Variants in RPRD2 observed in about 807,000 individuals in gnomAD.
The protein encoded by RPRD2 is regulation of nuclear pre-mRNA domain containing 2.
RPRD2 carries 12 observed loss-of-function variants against 104.4 expected under a neutral mutation model. The ratio of observed to expected loss-of-function variants is 0.11; its 90% confidence interval spans 0.07 to 0.19. The LOEUF (loss-of-function observed/expected upper bound fraction) is 0.19. Among genes scored for constraint, RPRD2 ranks in the 10% least tolerant of loss-of-function variants. RPRD2 has a pLI of 1.00. For synonymous variants in RPRD2, 714 were observed against 684.9 expected, an observed-to-expected ratio of 1.04 and a Z score of -0.66; for missense variants, 1,543 against 1,790.1, an observed-to-expected ratio of 0.86 and a Z score of 2.49.
chr1:150,373,456 A>G (rs1439404975), intron 1 of RPRD2, among the ~76,000 whole-genome samples: 3 of 151,142 alleles, frequency 2.0e-5, no homozygotes, highest in African/African-American at 7.3e-5. Context: ...TTCTAGATCT[A>G]TTTTGAAAGT....
At position 150,471,931 on chromosome 1, in the gene RPRD2, A is replaced by G. The variant is rs1668615326; in HGVS notation, c.2983A>G (p.Lys995Glu). 1.9e-6 allele frequency: 3 copies of G among 1,613,724 alleles called. No homozygotes were observed. The highest frequency in any genetic ancestry group is 1.7e-5 in the Admixed American group (1 of 59,992). Residue 995 changes from lysine to glutamate, a missense_variant, in exon 11 of 11, where the codon AAA becomes GAA. Lys to Glu is a moderately conservative substitution (Grantham distance 56, BLOSUM62 1). This residue lies in a region of RPRD2 where 880 missense variants were observed against 885.6 expected (regional missense o/e 0.99). Coordinates refer to ENST00000369068, the MANE Select transcript of RPRD2 (RefSeq NM_015203.5). This position sits in a 1 kb window ranked among gnomAD's most constrained non-coding sequence, Gnocchi z 5.3. Reference protein sequence around the residue: ...TGHPPTSGVEKVLASTISTTS... With the variant: ...TGHPPTSGVEEVLASTISTTS... ...TCACCCACCCACGTCAGGCGTGGAG[A>G]AAGTCCTGGCCTCCACCATTTCCAC...
chr1:150,435,940 C>G (rs1349906359), intron 2 of RPRD2, among the ~76,000 whole-genome samples: 1 of 152,176 alleles, frequency 6.6e-6, no homozygotes, highest in East Asian at 1.9e-4. Context: ...ATACAGCTGT[C>G]TGGCAACTTT....
At chr1:150,438,115 C>A in intron 2 of RPRD2, among the ~76,000 whole-genome samples, 1 of 150,274 alleles carries the variant, frequency 6.7e-6, no homozygotes, top group Admixed American at 6.7e-5. Flanking sequence ...AACCCCATCT[C>A]AACTAAAAAA....
At chr1:150,445,237 A>G (rs1480880833) in intron 6 of RPRD2, among the ~76,000 whole-genome samples, 4 of 152,178 alleles carry the variant, frequency 2.6e-5, no homozygotes, top group African/African-American at 9.7e-5. Flanking sequence ...CAATCCTCAT[A>G]ACAGAAAACA....
chr1:150,452,553 C>T (rs1325600324), intron 7 of RPRD2, among the ~76,000 whole-genome samples: 1 of 151,728 alleles, frequency 6.6e-6, no homozygotes, highest in East Asian at 1.9e-4. Context: ...GACTTGAATC[C>T]TATTTACTCA....
chr1:150,457,213 G>C, intron 7 of RPRD2, 75 bp from the exon 8 acceptor site: 1 of 1,425,960 alleles, frequency 7.0e-7, no homozygotes, highest in Non-Finnish European at 9.5e-7. Context: ...GACAAAGTGA[G>C]ACTCTGCCTC....
At chr1:150,390,572 T>C (rs1442153457) in intron 1 of RPRD2, among the ~76,000 whole-genome samples, 1 of 151,964 alleles carries the variant, frequency 6.6e-6, no homozygotes, top group Non-Finnish European at 1.5e-5. Flanking sequence ...CTAAAATATA[T>C]CAAGGAACAA....
chr1:150,409,792 A>C (rs1553887321), intron 1 of RPRD2, among the ~76,000 whole-genome samples: 4 of 151,706 alleles, frequency 2.6e-5, no homozygotes, highest in Non-Finnish European at 5.9e-5. Flanking sequence ...TTACAGACGC[A>C]TGCCACCACA....
At chr1:150,411,351 C>A (rs1553887571) in intron 1 of RPRD2, among the ~76,000 whole-genome samples, 1 of 148,276 alleles carries the variant, frequency 6.7e-6, no homozygotes, top group African/African-American at 2.5e-5. Context: ...GTCCCAGTTA[C>A]TCAGGAAGCT....
intron 1 of RPRD2, among the ~76,000 whole-genome samples, chr1:150,404,615 TA>T (rs201371027): frequency 2.6e-5 from 4 of 151,332 alleles, no homozygotes; most frequent in African/African-American, 9.7e-5. Flanking sequence ...CTCATCCAAA[TA>T]AAAAAAAATT....
chr1:150,393,026 G>A (rs1662207807), intron 1 of RPRD2, among the ~76,000 whole-genome samples: 1 of 152,016 alleles, frequency 6.6e-6, no homozygotes, highest in East Asian at 1.9e-4. Flanking sequence ...AGATAGGGAT[G>A]ATCAGTTCAG....
intron 6 of RPRD2, 84 bp from the exon 7 acceptor site, chr1:150,446,140 AAG>A (rs1666758398): frequency 3.3e-6 from 3 of 901,592 alleles, no homozygotes; most frequent in South Asian, 3.8e-5. Context: ...TATGTTCACA[AAG>A]AGAGGTTTTC....
chr1:150,446,204 A>AAT (rs1553895446), intron 6 of RPRD2, 22 bp from the exon 7 acceptor site: 1 of 1,492,592 alleles, frequency 6.7e-7, no homozygotes, highest in East Asian at 2.4e-5. Context: ...TCCTGAAATG[A>AAT]ATATTTCCCA....
At chr1:150,417,500 A>G in intron 1 of RPRD2, 96 bp from the exon 2 acceptor site, 1 of 991,218 alleles carries the variant, frequency 1.0e-6, no homozygotes, top group Non-Finnish European at 1.4e-6. Context: ...AAAAAAAAAT[A>G]ACCAGTTACA....
At chr1:150,451,897 T>A (rs1269277404) in intron 7 of RPRD2, among the ~76,000 whole-genome samples, 1 of 151,716 alleles carries the variant, frequency 6.6e-6, no homozygotes, top group Non-Finnish European at 1.5e-5. Flanking sequence ...TCCCAGCACT[T>A]TGGGAGGCTG....
chr1:150,401,983 A>G (rs1455018449), intron 1 of RPRD2, among the ~76,000 whole-genome samples: 8 of 125,414 alleles, frequency 6.4e-5, no homozygotes, highest in African/African-American at 2.5e-4. Context: ...ATTTTTTGAG[A>G]CAGAGTCTCA....
intron 2 of RPRD2, among the ~76,000 whole-genome samples, chr1:150,424,582 G>A (rs1258406283): frequency 2.0e-5 from 3 of 152,070 alleles, no homozygotes; most frequent in Admixed American, 6.6e-5. Flanking sequence ...TACCGCACGC[G>A]GCCCAGATTT....
At chr1:150,467,804 G>A (rs1028188224) in intron 10 of RPRD2, among the ~76,000 whole-genome samples, 2 of 152,038 alleles carry the variant, frequency 1.3e-5, no homozygotes, top group Admixed American at 6.6e-5. Context: ...GACTGTTAAT[G>A]AAATCCCAGA....
chr1:150,455,335 C>G (rs1473304152), intron 7 of RPRD2, among the ~76,000 whole-genome samples: 2 of 152,086 alleles, frequency 1.3e-5, no homozygotes, highest in East Asian at 3.9e-4. Flanking sequence ...AACCCCGTCT[C>G]TACTAAAAAT....
Sources: gnomAD v4.1 joint callset for allele counts (sites outside exome capture counted in the v4.1 genomes callset) on GRCh38, gnomAD v4.1.1 for gene constraint, gnomAD v4.1.1 regional missense constraint, Gnocchi (gnomAD v3.1) non-coding constraint, MANE v1.5 for transcripts, NCBI Gene and HGNC (gene_info 2026-07-23, HGNC 2026-07-21) for gene names.